Variants in MUSK observed in about 807,000 individuals in gnomAD.
MUSK encodes muscle associated receptor tyrosine kinase.
Under a neutral mutation model 88.7 loss-of-function variants are expected in MUSK, and 55 were observed. That is an observed-to-expected ratio of 0.62 (90% CI 0.50 to 0.78). The LOEUF (loss-of-function observed/expected upper bound fraction) is 0.78. MUSK is among the 30% of genes least tolerant of loss of function. The probability of loss-of-function intolerance (pLI) is 0.00; values close to 1 mark genes in which losing one functional copy is unlikely to be tolerated. For synonymous variants in MUSK, 387 were observed against 391.9 expected, an observed-to-expected ratio of 0.99 and a Z score of 0.15; for missense variants, 1,015 against 1,074.3, an observed-to-expected ratio of 0.94 and a Z score of 0.77.
chr9:110,710,865 C>G (rs994424552), intron 5 of MUSK, among the ~76,000 whole-genome samples: 5 of 152,178 alleles, frequency 3.3e-5, no homozygotes, highest in Non-Finnish European at 5.9e-5. Flanking sequence ...CATTCTAGCA[C>G]TCACTGCTCC....
intron 2 of MUSK, among the ~76,000 whole-genome samples, chr9:110,685,208 T>A (rs959337383): frequency 6.6e-6 from 1 of 152,184 alleles, no homozygotes; most frequent in African/African-American, 2.4e-5. Context: ...TCAGCATATA[T>A]TGAAATAATC....
At chr9:110,782,506 A>G (rs774120037) in intron 11 of MUSK, among the ~76,000 whole-genome samples, 1 of 152,216 alleles carries the variant, frequency 6.6e-6, no homozygotes, top group Non-Finnish European at 1.5e-5. Flanking sequence ...GATTCTTTTT[A>G]GAAAAACTAA....
intron 1 of MUSK, among the ~76,000 whole-genome samples, chr9:110,675,524 A>G (rs1262475044): frequency 1.6e-5 from 2 of 128,092 alleles, no homozygotes; most frequent in Admixed American, 8.2e-5. Context: ...CCTGGCCGCT[A>G]CATTGCCTCT....
At chr9:110,713,584 G>A (rs2076704444) in intron 5 of MUSK, among the ~76,000 whole-genome samples, 1 of 151,942 alleles carries the variant, frequency 6.6e-6, no homozygotes, top group Non-Finnish European at 1.5e-5. Flanking sequence ...ATTTTAAACG[G>A]GTAGATACCT....
chr9:110,751,722 G>C (rs1334430346), intron 7 of MUSK, among the ~76,000 whole-genome samples: 57 of 152,182 alleles, frequency 3.7e-4, no homozygotes, highest in Non-Finnish European at 2.9e-5. Flanking sequence ...TATGTTTACA[G>C]TAGCTACCCA....
Position 110,711,805 on chromosome 9 carries a change from C to G in MUSK, c.628+14339C>G, listed in dbSNP as rs187274252. Among the ~76,000 whole-genome samples, 527 of 152,242 alleles carry G rather than the reference C, an allele frequency of 3.5e-3. 2 individuals carry two copies. The highest frequency in any genetic ancestry group is 4.1e-3 in the Non-Finnish European group (279 of 68,018). On this transcript the variant is annotated intron_variant, in intron 5 of 14. Transcript: ENST00000374448. Reference sequence around the variant, plus strand: ...AAGAATCTTTGAGATTCTTTTTAATCAAAAGTGGGGAGACTATAAGGAACA... The same window carrying G: ...AAGAATCTTTGAGATTCTTTTTAATGAAAAGTGGGGAGACTATAAGGAACA...
chr9:110,770,676 A>G (rs1451646560), intron 9 of MUSK, among the ~76,000 whole-genome samples: 2 of 151,278 alleles, frequency 1.3e-5, no homozygotes, highest in Non-Finnish European at 3.0e-5. Context: ...CTCATTTAGG[A>G]GTATGGTATG....
chr9:110,669,578 A>G (rs760082741), intron 1 of MUSK, among the ~76,000 whole-genome samples: 2 of 152,180 alleles, frequency 1.3e-5, no homozygotes, highest in Non-Finnish European at 2.9e-5. Context: ...AGAGACTGCA[A>G]AAGTTTTTTT....
At chr9:110,741,056 TA>T (rs1457448771) in intron 6 of MUSK, among the ~76,000 whole-genome samples, 2 of 152,130 alleles carry the variant, frequency 1.3e-5, no homozygotes, top group Non-Finnish European at 2.9e-5. Context: ...ACTGTAGATG[TA>T]ATGTACAATA....
chr9:110,764,639 G>GA (rs55647455), intron 8 of MUSK, among the ~76,000 whole-genome samples: 29,679 of 144,750 alleles, frequency 0.21, 3,362 homozygotes, highest in Non-Finnish European at 0.27. Flanking sequence ...AGATAGATAG[G>GA]TAGGTAGATC....
At chr9:110,775,732 A>T (rs2077657524) in intron 9 of MUSK, 56 bp from the exon 10 acceptor site, 2 of 1,526,192 alleles carry the variant, frequency 1.3e-6, no homozygotes, top group Middle Eastern at 1.8e-4. Context: ...CTCTGCCACA[A>T]ATTTGCTTTA....
chr9:110,760,822 C>T (rs1160630251), intron 7 of MUSK, among the ~76,000 whole-genome samples: 2 of 152,096 alleles, frequency 1.3e-5, no homozygotes, highest in Non-Finnish European at 2.9e-5. Context: ...TAGTTACCAA[C>T]CCTCACCAAT....
chr9:110,690,769 T>G (rs1438028140), intron 3 of MUSK, among the ~76,000 whole-genome samples: 15 of 86,930 alleles, frequency 1.7e-4, no homozygotes, highest in Admixed American at 5.6e-4. Context: ...TATAAATATA[T>G]ATATTTAAAT....
Position 110,806,047 on chromosome 9 carries a change from A to T in MUSK, c.*5059A>T, listed in dbSNP as rs192816138. On this transcript the variant is annotated 3_prime_UTR_variant, in exon 15 of 15. Coordinates refer to ENST00000374448, the MANE Select transcript of MUSK (RefSeq NM_005592.4). ...TCACAAGAGGGTAAAAATTAAAAAA[A>T]TAATAAAAGTTCCCTTCTTCCTTTT... 2.6e-4 allele frequency among the ~76,000 whole-genome samples: 39 copies of T among 152,178 alleles called. No homozygotes were observed. The East Asian group carries it at 6.7e-3, about 26-fold the overall frequency.
At chr9:110,750,139 G>C (rs949059212) in intron 7 of MUSK, among the ~76,000 whole-genome samples, 1 of 152,056 alleles carries the variant, frequency 6.6e-6, no homozygotes, top group Non-Finnish European at 1.5e-5. Flanking sequence ...AAAATAAACT[G>C]ATCTACTTTA....
At position 110,803,684 on chromosome 9, in the gene MUSK, T is replaced by C. The variant is rs1378493116; in HGVS notation, c.*2696T>C. Among the ~76,000 whole-genome samples, 1 of 152,252 alleles carries C rather than the reference T, an allele frequency of 6.6e-6. No homozygotes were observed. The highest frequency in any genetic ancestry group is 2.4e-5 in the African/African-American group (1 of 41,466). On this transcript the variant is annotated 3_prime_UTR_variant, in exon 15 of 15. Transcript: ENST00000374448. ...ATCAATTTAAGTTAATCATAACATC[T>C]AATAGGTGACATGTTTATTTTTTCA...
chr9:110,691,978 T>G (rs562868439), intron 3 of MUSK, among the ~76,000 whole-genome samples: 2 of 152,160 alleles, frequency 1.3e-5, no homozygotes, highest in Non-Finnish European at 2.9e-5. Flanking sequence ...GAGAAGTCTT[T>G]TTCTTATTTC....
intron 5 of MUSK, among the ~76,000 whole-genome samples, chr9:110,715,343 G>T (rs1238489565): frequency 1.3e-5 from 2 of 149,446 alleles, no homozygotes; most frequent in Admixed American, 6.6e-5. Flanking sequence ...TACGTTTTCT[G>T]GATAAAAAAC....
rs893884886 is a variant in MUSK at position 110,686,210 on chromosome 9, A to T, written c.207-907A>T. Among the ~76,000 whole-genome samples the T allele has an allele frequency of 1.3e-4, 20 of 152,040 alleles. 1 individual carries two copies. On this transcript the variant is annotated intron_variant, in intron 2 of 14. Coordinates refer to ENST00000374448, the MANE Select transcript of MUSK (RefSeq NM_005592.4). ...CCCTACTCCACTTATAAGTCTAGCA[A>T]TGGCACTACTCTGACCTCTGCCTCC...
Sources: allele counts gnomAD v4.1 joint callset (sites outside exome capture counted in the v4.1 genomes callset), GRCh38; gene constraint gnomAD v4.1.1; transcripts MANE v1.5; gene names NCBI Gene and HGNC (gene_info 2026-07-23, HGNC 2026-07-21).